CENPC: variants seen among roughly 807,000 people sequenced by gnomAD.
CENPC encodes the protein centromere protein C.
CENPC carries 63 observed loss-of-function variants against 112.1 expected under a neutral mutation model. That is an observed-to-expected ratio of 0.56 (90% CI 0.46 to 0.69). CENPC has a LOEUF of 0.69. Among genes scored for constraint, CENPC ranks in the 30% least tolerant of loss-of-function variants. The probability of loss-of-function intolerance (pLI) is 0.00; values close to 1 mark genes in which losing one functional copy is unlikely to be tolerated. For missense variants in CENPC, 1,000 were observed against 1,103.8 expected (o/e 0.91, Z 1.33); for synonymous variants, 333 against 367.6 (o/e 0.91, Z 1.08).
At chr4:67,522,490 T>A (rs951166388) in intron 5 of CENPC, among the ~76,000 whole-genome samples, 5 of 152,038 alleles carry the variant, frequency 3.3e-5, no homozygotes, top group African/African-American at 9.7e-5. Context: ...CTTCACAGCA[T>A]ATTGTCTGGG....
At chr4:67,500,002 CTTTCTTAAGTAGCTGTGG>C (rs1049505904) in intron 12 of CENPC, among the ~76,000 whole-genome samples, 4 of 152,130 alleles carry the variant, frequency 2.6e-5, no homozygotes, top group African/African-American at 9.7e-5. Flanking sequence ...TGAATTTTCA[CTTTCTTAAGTAGCTGTGG>C]TTTGCGGTGC....
chr4:67,512,402 T>G lies in CENPC; in HGVS notation c.1612A>C (p.Ser538Arg), dbSNP rs780758912. Residue 538 changes from serine to arginine, a missense_variant and splice_region_variant, in exon 9 of 19, where the codon AGT (serine) becomes CGT (arginine). Transcript: ENST00000273853. Reference sequence around the variant, plus strand: ...ACACAATTTAAATAAAAATACTTACTCTCCTCTGATTTTACCACCCACCAA... The same window carrying G: ...ACACAATTTAAATAAAAATACTTACGCTCCTCTGATTTTACCACCCACCAA... ...SDWWVVKSEE[S>R]PVYSNSSVRN... is the part of the protein sequence containing the mutation. 2.4e-5 allele frequency: 38 copies of G among 1,578,526 alleles called. No homozygotes were observed. Among genetic ancestry groups the G allele is most frequent in the Non-Finnish European group, 3.4e-6 (4 of 1,163,010 alleles).
chr4:67,490,160 A>C (rs762423322), intron 16 of CENPC, 39 bp from the exon 17 acceptor site: 1 of 1,428,248 alleles, frequency 7.0e-7, no homozygotes. Flanking sequence ...AAACAACAGC[A>C]GTATTGGTTA....
chr4:67,490,014 C>T lies in CENPC; in HGVS notation c.2623G>A (p.Gly875Arg), dbSNP rs1371919166. 6.2e-7 allele frequency: 1 copy of T among 1,600,750 alleles called. No homozygotes were observed. Among genetic ancestry groups the T allele is most frequent in the Non-Finnish European group, 8.5e-7 (1 of 1,173,556 alleles). ...TGCTTTCCCTTTTCTTCTTGTGGTC[C>T]TAATATCAATTTCCCAGTAGAAAAA... The part of the protein sequence containing the change: ...PFFSTGKLIL[G>R]PQEEKGKQHV... Residue 875 changes from glycine to arginine, a missense_variant, in exon 17 of 19, where the codon GGA (glycine) becomes AGA (arginine). By Grantham distance (125) the Gly-to-Arg change is moderately radical. Transcript: ENST00000273853.
chr4:67,486,380 C>T (rs1725094518), intron 17 of CENPC, among the ~76,000 whole-genome samples: 1 of 152,114 alleles, frequency 6.6e-6, no homozygotes, highest in Non-Finnish European at 1.5e-5. Flanking sequence ...ATACTGTTAT[C>T]ACACCTAAAA....
At chr4:67,541,681 G>A (rs184826573) in intron 2 of CENPC, among the ~76,000 whole-genome samples, 159 of 152,192 alleles carry the variant, frequency 1.0e-3, no homozygotes, top group African/African-American at 3.5e-3. Flanking sequence ...AGTTCTACAT[G>A]TACTCATTTC....
At position 67,519,307 on chromosome 4, in the gene CENPC, G is replaced by T. The variant is rs773485914; in HGVS notation, c.527C>A (p.Ser176Tyr). The T allele has an allele frequency of 6.2e-7, 1 of 1,612,380 alleles. No individual in the cohort carries two copies. Among genetic ancestry groups the T allele is most frequent in the East Asian group, 2.2e-5 (1 of 44,756 alleles). The part of the protein sequence containing the change: ...KTSVSQNVIP[S>Y]SAQKRETYTF... The stretch of plus-strand genomic sequence containing the variant: ...GTAAGTCTCTCTCTTTTGGGCACTA[G>T]ATGGAATAACATTTTGTGATACAGA... The change falls in exon 6 of 19, where the codon TCT (serine) becomes TAT (tyrosine). Residue 176 changes from serine (S) to tyrosine (Y), a missense_variant. Transcript: ENST00000273853.
intron 9 of CENPC, among the ~76,000 whole-genome samples, chr4:67,509,742 T>C (rs1468236175): frequency 6.6e-6 from 1 of 152,100 alleles, no homozygotes; most frequent in Non-Finnish European, 1.5e-5. Context: ...CATTATTTCA[T>C]ATCTGGATTA....
At chr4:67,494,373 G>A (rs183752298) in intron 13 of CENPC, among the ~76,000 whole-genome samples, 1 of 152,216 alleles carries the variant, frequency 6.6e-6, no homozygotes, top group African/African-American at 2.4e-5. Flanking sequence ...ACTGCTCTTA[G>A]GCATAATGCT....
intron 5 of CENPC, among the ~76,000 whole-genome samples, chr4:67,522,273 A>G (rs1726249825): frequency 6.6e-6 from 1 of 152,234 alleles, no homozygotes; most frequent in Non-Finnish European, 1.5e-5. Flanking sequence ...TCTGCATAAT[A>G]TAACTTCTTA....
Position 67,469,340 on chromosome 4 carries a change from G to A in CENPC, c.*3265C>T, listed in dbSNP as rs1215520157. 6.6e-6 allele frequency: 1 copy of A among 152,022 alleles called. No homozygotes were observed. Among genetic ancestry groups the A allele is most frequent in the Non-Finnish European group, 1.5e-5 (1 of 67,976 alleles). 9.4% of individuals were successfully genotyped at this position (152,022 alleles called of 1,614,324 possible). A position where few individuals can be genotyped will look rare whatever the true frequency, so the allele number is the denominator to read the frequency against. On this transcript the variant is annotated 3_prime_UTR_variant, in exon 19 of 19. Coordinates refer to ENST00000273853, the MANE Select transcript of CENPC (RefSeq NM_001812.4). The stretch of plus-strand genomic sequence containing the variant: ...CAGACATTGGACAAAAGTGAAGGAC[G>A]GTGATTCTTTTGTTTTCTTTTTTTG...
intron 9 of CENPC, 42 bp downstream of exon 9, chr4:67,512,360 A>G (rs753139542): frequency 2.3e-5 from 32 of 1,418,240 alleles, no homozygotes; most frequent in Non-Finnish European, 1.2e-5. Flanking sequence ...TTACAGAATG[A>G]TTTTGTCTAT....
Position 67,493,929 on chromosome 4 carries a change from C to T in CENPC, c.2245G>A (p.Glu749Lys). ...RTKRTRLKPLEYWRGERIDYQ... is the reference protein window; with the variant it reads ...RTKRTRLKPLKYWRGERIDYQ... ...TCTATTCGCTCTCCTCGCCAGTACT[C>T]CAAAGGTTTCAAACGTGTTCTCTTG... Residue 749 changes from glutamate (E) to lysine (K), a missense_variant, in exon 14 of 19, where the codon GAG (glutamate) becomes AAG (lysine). Glu to Lys is a moderately conservative substitution (Grantham distance 56). Coordinates refer to ENST00000273853, the MANE Select transcript of CENPC (RefSeq NM_001812.4). 6.2e-7 allele frequency: 1 copy of T among 1,613,058 alleles called. No homozygotes were observed. Among genetic ancestry groups the T allele is most frequent in the Middle Eastern group, 1.7e-4 (1 of 6,056 alleles).
At chr4:67,479,199 A>T (rs935013646) in intron 17 of CENPC, among the ~76,000 whole-genome samples, 4 of 152,184 alleles carry the variant, frequency 2.6e-5, no homozygotes, top group African/African-American at 9.7e-5. Context: ...AATGGATTTA[A>T]ACTATACACT....
At chr4:67,485,751 A>G (rs896770772) in intron 17 of CENPC, among the ~76,000 whole-genome samples, 1 of 152,220 alleles carries the variant, frequency 6.6e-6, no homozygotes, top group African/African-American at 2.4e-5. Context: ...ACTCTATACC[A>G]AGCAGTATTA....
At chr4:67,517,951 T>C (rs1726106593) in intron 7 of CENPC, among the ~76,000 whole-genome samples, 1 of 152,178 alleles carries the variant, frequency 6.6e-6, no homozygotes, top group African/African-American at 2.4e-5. Context: ...TCAAGTCTAA[T>C]TTAGTATCTA....
rs1460972102 is a variant in CENPC, at chr4:67,470,368, T to C, written c.*2237A>G. 2 of 152,188 alleles carry C rather than the reference T, an allele frequency of 1.3e-5. No individual in the cohort carries two copies. Among genetic ancestry groups the C allele is most frequent in the Non-Finnish European group, 2.9e-5 (2 of 68,114 alleles). 9.4% of individuals were successfully genotyped at this position (152,188 alleles called of 1,614,324 possible). A position where few individuals can be genotyped will look rare whatever the true frequency, so the allele number is the denominator to read the frequency against. ...GGTGGATCACCCTGAGGTCAGGAAT[T>C]CGAGACAGCCCTGGCCAACATGGTG... On this transcript the variant is annotated 3_prime_UTR_variant, in exon 19 of 19. Transcript: ENST00000273853.
rs372916188 is a variant in CENPC at position 67,512,541 on chromosome 4, A to G, written c.1473T>C (p.Asp491=). 6.4e-7 allele frequency: 1 copy of G among 1,557,492 alleles called. No homozygotes were observed. The highest frequency in any genetic ancestry group is 8.7e-7 in the Non-Finnish European group (1 of 1,154,902). The part of the protein sequence containing the change: ...VGSKKSSTRK[D]KEESKKKRFS... ...AGCGCTTCTTTTTAGATTCTTCCTT[A>G]TCTTTTCTAGTGCTACTTTTCTTGC... The change falls in exon 9 of 19, where the codon GAT becomes GAC. Residue 491 remains aspartate, a synonymous_variant. Coordinates refer to ENST00000273853, the MANE Select transcript of CENPC (RefSeq NM_001812.4).
Position 67,509,119 on chromosome 4 carries a change from T to A in CENPC, c.1613-14A>T, listed in dbSNP as rs1577989326. ...TATAAACAGGACCTGAAGGATTCAA[T>A]GATAACCTAAAGTTAGTAAGTTTGT... On this transcript the variant is annotated splice_polypyrimidine_tract_variant and intron_variant, in intron 9 of 18. Transcript: ENST00000273853. The A allele has an allele frequency of 1.3e-6, 2 of 1,586,646 alleles. No individual in the cohort carries two copies. Among genetic ancestry groups the A allele is most frequent in the South Asian group, 1.1e-5 (1 of 88,984 alleles).
Sources: gnomAD v4.1 joint callset for allele counts (sites outside exome capture counted in the v4.1 genomes callset) on GRCh38, gnomAD v4.1.1 for gene constraint, MANE v1.5 for transcripts, NCBI Gene and HGNC (gene_info 2026-07-23, HGNC 2026-07-21) for gene names.